The following PTPN11 variants were observed in gnomAD, a reference collection of about 807,000 sequenced individuals.
PTPN11 encodes the protein protein tyrosine phosphatase non-receptor type 11.
PTPN11 carries 6 observed loss-of-function variants against 78.8 expected under a neutral mutation model. The ratio of observed to expected loss-of-function variants is 0.08; its 90% CI spans 0.04 to 0.15. The LOEUF is 0.15. Ranked by LOEUF, PTPN11 falls within the 10% of genes least tolerant of loss-of-function variation. The pLI is 1.00. For synonymous variants in PTPN11, 221 were observed against 263.5 expected, an observed-to-expected ratio of 0.84 and a Z score of 1.56; for missense variants, 386 against 744.8, an observed-to-expected ratio of 0.52 and a Z score of 5.61.
At chr12:112,449,787 C>T (rs975516748) in intron 2 of PTPN11, among the ~76,000 whole-genome samples, 3 of 152,010 alleles carry the variant, frequency 2.0e-5, no homozygotes, top group South Asian at 2.1e-4. Flanking sequence ...CAAGGTAGGC[C>T]GGGCGTGGTG....
intron 7 of PTPN11, among the ~76,000 whole-genome samples, chr12:112,473,467 T>G (rs1416006328): frequency 1.3e-5 from 2 of 152,090 alleles, no homozygotes; most frequent in African/African-American, 4.8e-5. Context: ...GACAAACACC[T>G]CCTGAGGGCT....
At chr12:112,438,400 T>A (rs2037828571) in intron 1 of PTPN11, among the ~76,000 whole-genome samples, 1 of 152,012 alleles carries the variant, frequency 6.6e-6, no homozygotes, top group Admixed American at 6.6e-5. Flanking sequence ...CATAGCTTAC[T>A]GCATCCTCAA....
intron 1 of PTPN11, among the ~76,000 whole-genome samples, chr12:112,441,597 A>G (rs568966341): frequency 9.2e-5 from 14 of 152,036 alleles, no homozygotes; most frequent in African/African-American, 3.1e-4. Context: ...AATTGGGTCA[A>G]TATTTGTGGA....
At chr12:112,493,219 C>T (rs907631153) in intron 13 of PTPN11, among the ~76,000 whole-genome samples, 8 of 151,868 alleles carry the variant, frequency 5.3e-5, no homozygotes, top group South Asian at 2.1e-4. Flanking sequence ...CCATCACACC[C>T]GGCTAATTTT....
chr12:112,453,538 A>G (rs1011416522), intron 4 of PTPN11, 151 bp downstream of exon 4: 12 of 692,954 alleles, frequency 1.7e-5, no homozygotes, highest in African/African-American at 9.2e-5. Flanking sequence ...GTCTTGCTCT[A>G]TCACCTACAG....
chr12:112,474,865 A>G (rs961365124), intron 7 of PTPN11, among the ~76,000 whole-genome samples: 12 of 152,076 alleles, frequency 7.9e-5, no homozygotes, highest in African/African-American at 2.7e-4. Flanking sequence ...TCCTGGGCTC[A>G]AACGATCTGC....
chr12:112,422,140 A>G (rs543851300), intron 1 of PTPN11, among the ~76,000 whole-genome samples: 1 of 152,318 alleles, frequency 6.6e-6, no homozygotes, highest in African/African-American at 2.4e-5. Flanking sequence ...GTTAGTTTTG[A>G]TAGGTGGTTT....
chr12:112,436,517 G>A (rs1295813193), intron 1 of PTPN11, among the ~76,000 whole-genome samples: 2 of 152,148 alleles, frequency 1.3e-5, no homozygotes, highest in Non-Finnish European at 2.9e-5. Flanking sequence ...ACCAAGAGAT[G>A]CTTCAAATCA....
chr12:112,477,802 C>G, intron 8 of PTPN11, 55 bp from the exon 9 acceptor site: 1 of 1,607,662 alleles, frequency 6.2e-7, no homozygotes, highest in African/African-American at 1.3e-5. Flanking sequence ...AATCCTTCCT[C>G]ATGTCCTGAA....
intron 13 of PTPN11, among the ~76,000 whole-genome samples, chr12:112,494,306 C>T (rs971188781): frequency 3.9e-5 from 6 of 152,182 alleles, no homozygotes; most frequent in African/African-American, 9.7e-5. Flanking sequence ...AAACCATTGC[C>T]ATGACCATTG....
At chr12:112,462,183 C>A (rs1239759899) in intron 6 of PTPN11, among the ~76,000 whole-genome samples, 2 of 152,046 alleles carry the variant, frequency 1.3e-5, no homozygotes, top group Non-Finnish European at 2.9e-5. Context: ...TATAGTGAGA[C>A]CCTGTCTCTA....
chr12:112,485,335 G>A (rs146076817), intron 10 of PTPN11, among the ~76,000 whole-genome samples: 26 of 152,170 alleles, frequency 1.7e-4, no homozygotes, highest in Non-Finnish European at 3.5e-4. Flanking sequence ...CTACAATTAC[G>A]TCATCTGGAT....
At chr12:112,441,839 T>C (rs965638932) in intron 1 of PTPN11, among the ~76,000 whole-genome samples, 45 of 151,624 alleles carry the variant, frequency 3.0e-4, no homozygotes, top group African/African-American at 1.0e-3. Flanking sequence ...AGTGCAGTGG[T>C]GATCTGGGCT....
At chr12:112,464,208 G>A (rs774601188) in intron 6 of PTPN11, among the ~76,000 whole-genome samples, 9 of 152,070 alleles carry the variant, frequency 5.9e-5, no homozygotes, top group Admixed American at 1.3e-4. Flanking sequence ...AATTCTACAC[G>A]TCATTTCAGG....
At chr12:112,431,051 C>T (rs1400989362) in intron 1 of PTPN11, among the ~76,000 whole-genome samples, 2 of 152,216 alleles carry the variant, frequency 1.3e-5, no homozygotes, top group Non-Finnish European at 2.9e-5. Context: ...TGTCAGCTGC[C>T]TTCTGCCTCT....
In PTPN11 at chr12:112,431,292, A is replaced by T. The variant is rs954679693; in HGVS notation, c.14+12167A>T. ...AGAAATAGACATGTTCCTACTCGGG[A>T]TGCTGAGGTGGGAGGATTGCTTGAG... is the stretch of plus-strand genomic sequence containing the variant. On this transcript the variant is annotated intron_variant, in intron 1 of 15. Transcript: ENST00000351677. Among the ~76,000 whole-genome samples the T allele has an allele frequency of 3.9e-5, 6 of 152,194 alleles. No individual in the cohort carries two copies. In the South Asian group the frequency reaches 6.2e-4, roughly 16 times the overall value.
At chr12:112,449,577 T>C (rs1566166515) in intron 2 of PTPN11, among the ~76,000 whole-genome samples, 1 of 152,194 alleles carries the variant, frequency 6.6e-6, no homozygotes, top group Non-Finnish European at 1.5e-5. Context: ...CAACAATTTT[T>C]ATAATGCATA....
Position 112,482,894 on chromosome 12 carries a change from AT to A in PTPN11, c.1224+692del, listed in dbSNP as rs572783064. On this transcript the variant is annotated intron_variant, in intron 10 of 15. Transcript: ENST00000351677. The surrounding 1 kb of genome is among the most constrained non-coding windows in gnomAD (Gnocchi z 4.4). ...GGAAGGAGAACTGATGTGGGCAGTGATTTGTTTTCTTCTGGATGTGTTCAGC... is the reference window on the plus strand; with the variant it reads ...GGAAGGAGAACTGATGTGGGCAGTGATTGTTTTCTTCTGGATGTGTTCAGC... Among the ~76,000 whole-genome samples, 187 of 152,208 alleles carry A rather than the reference AT, an allele frequency of 1.2e-3. No homozygotes were observed. Among genetic ancestry groups the A allele is most frequent in the African/African-American group, 4.2e-3 (175 of 41,524 alleles).
intron 1 of PTPN11, among the ~76,000 whole-genome samples, chr12:112,420,052 C>A (rs2135819479): frequency 6.6e-6 from 1 of 152,304 alleles, no homozygotes; most frequent in South Asian, 2.1e-4. Context: ...ATTGCCTAAC[C>A]TCACAGCTAG....
Sources: allele counts gnomAD v4.1 joint callset (sites outside exome capture counted in the v4.1 genomes callset), GRCh38; gene constraint gnomAD v4.1.1; non-coding constraint Gnocchi (gnomAD v3.1); transcripts MANE v1.5; gene names NCBI Gene and HGNC (gene_info 2026-07-23, HGNC 2026-07-21).